The following KCNJ3 variants were observed in gnomAD, a reference collection of about 807,000 sequenced individuals.
The protein encoded by KCNJ3 is G protein-activated inward rectifier potassium channel 1.
KCNJ3 carries 4 observed loss-of-function variants against 39.2 expected under a neutral mutation model. The observed-to-expected ratio is 0.10, with a 90% CI of 0.05 to 0.23. The LOEUF is 0.23. Among genes scored for constraint, KCNJ3 ranks in the 10% least tolerant of loss-of-function variants. The pLI is 1.00. For synonymous variants in KCNJ3, 230 were observed against 237.4 expected (o/e 0.97, Z 0.29); for missense variants, 276 against 634.9 (o/e 0.43, Z 6.08).
intron 2 of KCNJ3, among the ~76,000 whole-genome samples, chr2:154,737,347 C>A (rs1409659661): frequency 6.6e-6 from 1 of 152,108 alleles, no homozygotes; most frequent in African/African-American, 2.4e-5. Context: ...GATAAATATG[C>A]TCAGAACAAA....
At position 154,826,716 on chromosome 2, in the gene KCNJ3, A is replaced by G. The variant is rs1394082600; in HGVS notation, c.920-28011A>G. Among the ~76,000 whole-genome samples the G allele has an allele frequency of 5.3e-5, 8 of 152,306 alleles. No homozygotes were observed. In the South Asian group the frequency reaches 1.7e-3, roughly 32 times the overall value. On this transcript the variant is annotated intron_variant, in intron 2 of 2. Transcript: ENST00000295101. ...ATGAATGTTAGCAAGACTCCTTGTT[A>G]CAAAATACCCCACAATGAATTCAGA...
chr2:154,831,299 GTCA>G (rs1687359374), intron 2 of KCNJ3, among the ~76,000 whole-genome samples: 1 of 152,042 alleles, frequency 6.6e-6, no homozygotes, highest in Non-Finnish European at 1.5e-5. Context: ...ATGGAGGTTT[GTCA>G]TCATTCAAAA....
intron 2 of KCNJ3, among the ~76,000 whole-genome samples, chr2:154,854,293 CAGTT>C (rs1276447223): frequency 6.6e-6 from 1 of 152,090 alleles, no homozygotes; most frequent in East Asian, 1.9e-4. Context: ...AAGTGATACT[CAGTT>C]AAATATATTT....
Position 154,856,215 on chromosome 2 carries a change from A to G in KCNJ3, c.*902A>G, listed in dbSNP as rs545328336. On this transcript the variant is annotated 3_prime_UTR_variant, in exon 3 of 3. Coordinates refer to ENST00000295101, the MANE Select transcript of KCNJ3 (RefSeq NM_002239.4). ...ATTAAAATCTGGAAATCTGTTTTGT[A>G]TATGATCTAATACAAAGATGAGCTC... 1.3e-4 allele frequency: 20 copies of G among 152,724 alleles called. No individual in the cohort carries two copies. The highest frequency in any genetic ancestry group is 2.1e-4 in the South Asian group (1 of 4,826). 9.5% of individuals were successfully genotyped at this position (152,724 alleles called of 1,614,324 possible).
chr2:154,752,511 C>G (rs1489269609), intron 2 of KCNJ3, among the ~76,000 whole-genome samples: 1 of 151,814 alleles, frequency 6.6e-6, no homozygotes, highest in Non-Finnish European at 1.5e-5. Flanking sequence ...TAGTAATTTA[C>G]TAAAAATTAT....
At chr2:154,763,364 G>C (rs1686077491) in intron 2 of KCNJ3, among the ~76,000 whole-genome samples, 1 of 151,706 alleles carries the variant, frequency 6.6e-6, no homozygotes, top group East Asian at 1.9e-4. Flanking sequence ...ACAGGCCTAG[G>C]CTGCTTGGAA....
chr2:154,746,817 A>G (rs991504284), intron 2 of KCNJ3, among the ~76,000 whole-genome samples: 3 of 151,868 alleles, frequency 2.0e-5, no homozygotes, highest in Non-Finnish European at 4.4e-5. Context: ...TTTTCTTTCT[A>G]TAACTTCCTG....
At chr2:154,724,894 T>C (rs1424639031) in intron 2 of KCNJ3, among the ~76,000 whole-genome samples, 2 of 124,320 alleles carry the variant, frequency 1.6e-5, no homozygotes, top group Non-Finnish European at 3.3e-5. Context: ...TATATGTATG[T>C]ATATATACAA....
At chr2:154,744,511 A>G (rs966362749) in intron 2 of KCNJ3, among the ~76,000 whole-genome samples, 1 of 151,872 alleles carries the variant, frequency 6.6e-6, no homozygotes, top group Non-Finnish European at 1.5e-5. Flanking sequence ...CTTTATGGCT[A>G]TATGACTATT....
chr2:154,734,906 C>T (rs1475882516), intron 2 of KCNJ3, among the ~76,000 whole-genome samples: 1 of 152,128 alleles, frequency 6.6e-6, no homozygotes. Context: ...AATGAGGACT[C>T]AACAGAATGA....
chr2:154,792,863 G>C (rs1394869957), intron 2 of KCNJ3, among the ~76,000 whole-genome samples: 1 of 152,072 alleles, frequency 6.6e-6, no homozygotes, highest in Non-Finnish European at 1.5e-5. Context: ...TCTGAACAAA[G>C]TTGTCTCGTG....
intron 2 of KCNJ3, among the ~76,000 whole-genome samples, chr2:154,735,274 C>CTTT (rs11315316): frequency 7.0e-5 from 10 of 143,238 alleles, no homozygotes; most frequent in African/African-American, 1.5e-4. Context: ...TTCTTTCTTT[C>CTTT]TTTTTTTTTT....
intron 2 of KCNJ3, among the ~76,000 whole-genome samples, chr2:154,777,183 C>T (rs572857533): frequency 6.6e-6 from 1 of 152,156 alleles, no homozygotes; most frequent in Non-Finnish European, 1.5e-5. Context: ...TTTTCTGTAA[C>T]TAGGGTCTTT....
intron 2 of KCNJ3, among the ~76,000 whole-genome samples, chr2:154,805,201 G>A (rs1456087832): frequency 6.6e-6 from 1 of 151,970 alleles, no homozygotes; most frequent in African/African-American, 2.4e-5. Flanking sequence ...TTTTTTTCTG[G>A]TACAAATTGT....
At position 154,855,933 on chromosome 2, in the gene KCNJ3, A is replaced by AT. The variant is rs151192065; in HGVS notation, c.*624dup. ...AATATTTTAGCCTTAAATTTTTGTC[A>AT]TTTTAAAATCTGATTTAATGTTTTC... On this transcript the variant is annotated 3_prime_UTR_variant, in exon 3 of 3. Transcript: ENST00000295101. The AT allele has an allele frequency of 0.016, 2,437 of 152,650 alleles. 33 individuals carry two copies. The highest frequency in any genetic ancestry group is 0.033 in the South Asian group (158 of 4,830). The allele number at this position is 152,650 out of a possible 1,614,324, so 9.5% of individuals were successfully genotyped here. A position where few individuals can be genotyped will look rare whatever the true frequency, so the allele number is the denominator to read the frequency against.
intron 2 of KCNJ3, among the ~76,000 whole-genome samples, chr2:154,745,442 A>C (rs946665938): frequency 6.6e-6 from 1 of 151,802 alleles, no homozygotes; most frequent in Non-Finnish European, 1.5e-5. Context: ...TATCTTCTTG[A>C]TGGATTGACT....
chr2:154,711,302 T>C (rs1466631196), intron 2 of KCNJ3, among the ~76,000 whole-genome samples: 1 of 152,114 alleles, frequency 6.6e-6, no homozygotes, highest in Non-Finnish European at 1.5e-5. Flanking sequence ...TAGTAATGTA[T>C]TAGGGCTTAA....
intron 2 of KCNJ3, among the ~76,000 whole-genome samples, chr2:154,790,941 C>G (rs1686617982): frequency 6.6e-6 from 1 of 152,092 alleles, no homozygotes; most frequent in African/African-American, 2.4e-5. Context: ...AAGAGATTAC[C>G]AATATTTGTG....
chr2:154,726,796 TACAC>T (rs58366846), intron 2 of KCNJ3, among the ~76,000 whole-genome samples: 7,813 of 115,368 alleles, frequency 0.068, 217 homozygotes, highest in Non-Finnish European at 0.083. Context: ...TTTATATACA[TACAC>T]ACACACACAC....
Sources: gnomAD v4.1 joint callset for allele counts (sites outside exome capture counted in the v4.1 genomes callset) on GRCh38, gnomAD v4.1.1 for gene constraint, MANE v1.5 for transcripts, NCBI Gene and HGNC (gene_info 2026-07-23, HGNC 2026-07-21) for gene names.